Variants in ME3 observed in about 807,000 individuals in gnomAD.
The protein encoded by ME3 is malic enzyme 3, also known as NADP-dependent malic enzyme, mitochondrial.
A neutral mutation model predicts 68.9 loss-of-function variants in ME3; 48 were observed. The observed-to-expected ratio is 0.70, with a 90% CI of 0.55 to 0.89. The LOEUF (loss-of-function observed/expected upper bound fraction) is 0.89. ME3 is among the 40% of genes least tolerant of loss of function. The probability of loss-of-function intolerance (pLI) is 0.00; values close to 1 mark genes in which losing one functional copy is unlikely to be tolerated. For missense variants in ME3, 675 were observed against 797.4 expected, an observed-to-expected ratio of 0.85 and a Z score of 1.85; for synonymous variants, 320 against 318.8, an observed-to-expected ratio of 1.00 and a Z score of -0.04.
At chr11:86,633,245 C>A (rs1439026832) in intron 2 of ME3, among the ~76,000 whole-genome samples, 1 of 152,220 alleles carries the variant, frequency 6.6e-6, no homozygotes, top group Non-Finnish European at 1.5e-5. Flanking sequence ...CAGTGACAGA[C>A]TGACATTTAG....
At chr11:86,522,425 C>T (rs1313412046) in intron 4 of ME3, among the ~76,000 whole-genome samples, 2 of 149,310 alleles carry the variant, frequency 1.3e-5, no homozygotes, top group South Asian at 2.1e-4. Flanking sequence ...CATAGGTATA[C>T]ATGTGCCATG....
chr11:86,523,328 A>G (rs988680009), intron 4 of ME3, among the ~76,000 whole-genome samples: 1 of 152,226 alleles, frequency 6.6e-6, no homozygotes, highest in Non-Finnish European at 1.5e-5. Context: ...GCTCAATAAA[A>G]TGAGGTAATA....
chr11:86,468,472 T>C (rs1307541469), intron 7 of ME3, among the ~76,000 whole-genome samples: 1 of 152,172 alleles, frequency 6.6e-6, no homozygotes, highest in African/African-American at 2.4e-5. Flanking sequence ...CATAAATTCA[T>C]CCATCCAAAC....
intron 6 of ME3, among the ~76,000 whole-genome samples, chr11:86,487,992 A>C (rs1161699494): frequency 6.6e-6 from 1 of 152,100 alleles, no homozygotes; most frequent in East Asian, 1.9e-4. Context: ...GTCCTAGCCA[A>C]CCCAGTGAGA....
At chr11:86,487,153 C>T (rs1951741409) in intron 7 of ME3, among the ~76,000 whole-genome samples, 184 bp downstream of exon 7, 1 of 152,166 alleles carries the variant, frequency 6.6e-6, no homozygotes, top group Admixed American at 6.5e-5. Flanking sequence ...GGGATTCTCT[C>T]AGAGAATGAG....
intron 2 of ME3, among the ~76,000 whole-genome samples, chr11:86,564,937 A>C (rs1454499779): frequency 6.6e-6 from 1 of 152,218 alleles, no homozygotes; most frequent in African/African-American, 2.4e-5. Context: ...ATACTTGAAA[A>C]TCACATATCT....
chr11:86,494,953 T>G (rs1288820847), intron 6 of ME3, among the ~76,000 whole-genome samples: 1 of 152,196 alleles, frequency 6.6e-6, no homozygotes, highest in Non-Finnish European at 1.5e-5. Context: ...TAGAAAAATT[T>G]TGGAAAGAAA....
intron 7 of ME3, among the ~76,000 whole-genome samples, chr11:86,480,855 A>G (rs1303286042): frequency 1.3e-5 from 2 of 152,178 alleles, no homozygotes; most frequent in South Asian, 2.1e-4. Flanking sequence ...GTAGACCTCC[A>G]TGGCAGGGTG....
intron 2 of ME3, among the ~76,000 whole-genome samples, chr11:86,617,468 A>G (rs78177903): frequency 0.017 from 2,598 of 152,160 alleles, 73 homozygotes; most frequent in African/African-American, 0.056. Context: ...GGTCATTGCT[A>G]TTGTTTTCTA....
At chr11:86,441,619 A>G (rs1949001171) in intron 14 of ME3, among the ~76,000 whole-genome samples, 179 bp from the exon 15 acceptor site, 1 of 152,164 alleles carries the variant, frequency 6.6e-6, no homozygotes, top group Non-Finnish European at 1.5e-5. Flanking sequence ...CTGGACAGGC[A>G]GCTTTAACAT....
intron 2 of ME3, among the ~76,000 whole-genome samples, chr11:86,657,134 T>C (rs750933828): frequency 1.9e-4 from 29 of 152,172 alleles, no homozygotes; most frequent in Middle Eastern, 3.2e-3. Context: ...ACTCAAAGGA[T>C]TATAAATCAT....
At chr11:86,645,447 GA>G (rs1235990559) in intron 2 of ME3, among the ~76,000 whole-genome samples, 2 of 152,160 alleles carry the variant, frequency 1.3e-5, no homozygotes, top group African/African-American at 4.8e-5. Flanking sequence ...AAGCCACCAG[GA>G]AGTTTGGACT....
chr11:86,529,438 G>A (rs569687963), intron 4 of ME3, among the ~76,000 whole-genome samples: 12 of 152,258 alleles, frequency 7.9e-5, no homozygotes, highest in Non-Finnish European at 1.8e-4. Context: ...ACAGGGAGGA[G>A]CTGGTACCAT....
chr11:86,498,191 G>A, intron 5 of ME3, 67 bp from the exon 6 acceptor site: 1 of 1,520,208 alleles, frequency 6.6e-7, no homozygotes, highest in Non-Finnish European at 8.8e-7. Context: ...CATTTTAGCA[G>A]CCCCAGCCCA....
intron 2 of ME3, among the ~76,000 whole-genome samples, chr11:86,598,843 T>G (rs1029629943): frequency 6.6e-6 from 1 of 151,948 alleles, no homozygotes; most frequent in Non-Finnish European, 1.5e-5. Flanking sequence ...GCAAACAGGG[T>G]CTGGAGTGGA....
chr11:86,618,293 C>G (rs1265066741), intron 2 of ME3, among the ~76,000 whole-genome samples: 1 of 32,316 alleles, frequency 3.1e-5, no homozygotes, highest in African/African-American at 8.9e-5. Flanking sequence ...GAGCAAGGCT[C>G]TGTCTCAAAA....
At chr11:86,641,676 A>G (rs1046269892) in intron 2 of ME3, among the ~76,000 whole-genome samples, 1 of 152,232 alleles carries the variant, frequency 6.6e-6, no homozygotes, top group East Asian at 1.9e-4. Context: ...TGCAAGAACT[A>G]TAAGACTTCT....
intron 2 of ME3, among the ~76,000 whole-genome samples, chr11:86,596,622 T>G (rs139032211): frequency 3.7e-4 from 57 of 152,318 alleles, no homozygotes; most frequent in Middle Eastern, 3.4e-3. Flanking sequence ...CACCTTCATG[T>G]AGAATCATGA....
chr11:86,441,435 G>A (rs769718958), exon 15 of ME3: 14 of 1,581,018 alleles, frequency 8.9e-6, no homozygotes, highest in Admixed American at 3.8e-5. Context: ...ACGCGTAGTC[G>A]AGAACCTAGA....
Sources: allele counts gnomAD v4.1 joint callset (sites outside exome capture counted in the v4.1 genomes callset), GRCh38; gene constraint gnomAD v4.1.1; transcripts MANE v1.5; gene names NCBI Gene and HGNC (gene_info 2026-07-23, HGNC 2026-07-21).